The following ARHGEF18 variants were observed in gnomAD, a reference collection of about 807,000 sequenced individuals.
The protein encoded by ARHGEF18 is rho guanine nucleotide exchange factor 18.
Under a neutral mutation model 155.7 loss-of-function variants are expected in ARHGEF18, and 93 were observed. The observed-to-expected ratio is 0.60, with a 90% CI of 0.50 to 0.71. The LOEUF is 0.71. Ranked by LOEUF, ARHGEF18 falls within the 30% of genes least tolerant of loss-of-function variation. The pLI is 0.00. For synonymous variants in ARHGEF18, 742 were observed against 753.1 expected, an observed-to-expected ratio of 0.99 and a Z score of 0.24; for missense variants, 1,593 against 1,816.1, an observed-to-expected ratio of 0.88 and a Z score of 2.23.
chr19:7,455,484 C>T (rs948809980), intron 17 of ARHGEF18, among the ~76,000 whole-genome samples: 10 of 152,104 alleles, frequency 6.6e-5, no homozygotes, highest in African/African-American at 1.2e-4. Context: ...CCTTACAGCA[C>T]GAGAGGTTCA....
rs962071045 is a variant in ARHGEF18, at chr19:7,379,182, G to T, written c.644+16G>T. 5 of 1,232,360 alleles carry T rather than the reference G, an allele frequency of 4.1e-6. No individual in the cohort carries two copies. In the African/African-American group the frequency reaches 7.8e-5, roughly 19 times the overall value. The allele number at this position is 1,232,360 out of a possible 1,614,324, so 76.3% of individuals were successfully genotyped here. A position where few individuals can be genotyped will look rare whatever the true frequency, so the allele number is the denominator to read the frequency against. On this transcript the variant is annotated intron_variant, in intron 7 of 28. Transcript: ENST00000668164. The stretch of plus-strand genomic sequence containing the variant: ...AGTACCATGGGTAAGTGGGAATCGG[G>T]ACAGGCTTGAGGGGAGCAAAGTGGG...
chr19:7,421,595 C>A (rs912744766), intron 10 of ARHGEF18, among the ~76,000 whole-genome samples: 3 of 152,076 alleles, frequency 2.0e-5, no homozygotes, highest in Non-Finnish European at 4.4e-5. Flanking sequence ...AAACCCGTCT[C>A]TACTAAAAAT....
At chr19:7,478,523 C>T in the ARHGEF18 span, 1 of 817,566 alleles carries the variant, frequency 1.2e-6, no homozygotes, top group Non-Finnish European at 2.0e-6. Flanking sequence ...GTCCCACACC[C>T]TCCTGGCTGT....
rs533711606 is a variant in ARHGEF18, at chr19:7,463,727, G to A, written c.2636-91G>A. On this transcript the variant is annotated intron_variant, in intron 21 of 28. Coordinates refer to ENST00000668164, the MANE Select transcript of ARHGEF18 (RefSeq NM_001367823.1). This position sits in a 1 kb window ranked among gnomAD's most constrained non-coding sequence, Gnocchi z 5.2. Reference sequence around the variant, plus strand: ...GATCACCACCCCAGTGAGTCCCTCCGTCCACCCGGGTCTCGCTGCCCCAGC... The same window carrying A: ...GATCACCACCCCAGTGAGTCCCTCCATCCACCCGGGTCTCGCTGCCCCAGC... 62 of 1,429,558 alleles carry A rather than the reference G, an allele frequency of 4.3e-5. No homozygotes were observed. Among genetic ancestry groups the A allele is most frequent in the Middle Eastern group, 2.6e-4 (1 of 3,860 alleles). The allele number at this position is 1,429,558 out of a possible 1,614,324, so 88.6% of individuals were successfully genotyped here.
intron 16 of ARHGEF18, 103 bp from the exon 17 acceptor site, chr19:7,453,364 G>C: frequency 2.2e-6 from 3 of 1,371,888 alleles, no homozygotes; most frequent in Non-Finnish European, 2.9e-6. Context: ...TACATAGTGT[G>C]TCCACACACC....
rs1018148919 is a variant in ARHGEF18, at chr19:7,462,766, C to T, written c.2635+432C>T. Among the ~76,000 whole-genome samples the T allele has an allele frequency of 3.9e-5, 6 of 152,184 alleles. No homozygotes were observed. The East Asian group carries it at 9.7e-4, about 25-fold the overall frequency. On this transcript the variant is annotated intron_variant, in intron 21 of 28. Transcript: ENST00000668164. This position sits in a 1 kb window ranked among gnomAD's most constrained non-coding sequence, Gnocchi z 4.4. The stretch of plus-strand genomic sequence containing the variant: ...GTCCCCACGCACAGCTCTAACACAG[C>T]CGCCAGGCCCCTGGGCTGGCCGCTT...
intron 2 of ARHGEF18, among the ~76,000 whole-genome samples, 189 bp downstream of exon 2, chr19:7,363,094 A>G (rs946882216): frequency 6.6e-6 from 1 of 152,164 alleles, no homozygotes; most frequent in Non-Finnish European, 1.5e-5. Context: ...TGAAATAAGA[A>G]GAGGGAGGAA....
At chr19:7,419,672 G>A (rs890130995) in intron 10 of ARHGEF18, among the ~76,000 whole-genome samples, 1 of 152,052 alleles carries the variant, frequency 6.6e-6, no homozygotes, top group Non-Finnish European at 1.5e-5. Context: ...CCTCACGGAG[G>A]ATTCTCCCAC....
chr19:7,467,088 G>A lies in ARHGEF18; in HGVS notation c.2979G>A (p.Gln993=). Residue 993 remains glutamine, a synonymous_variant, in exon 25 of 29, where the codon CAG becomes CAA. Coordinates refer to ENST00000668164, the MANE Select transcript of ARHGEF18 (RefSeq NM_001367823.1). ...CTCCGCAGCTTGTCCAGCGGATCCA[G>A]ACACTGTCCCAGCTGCTCCTGAACC... ...VLESELVQRI[Q]TLSQLLLNLQ... is the part of the protein sequence containing the mutation. 1 of 1,608,636 alleles carries A rather than the reference G, an allele frequency of 6.2e-7. No homozygotes were observed. The highest frequency in any genetic ancestry group is 8.5e-7 in the Non-Finnish European group (1 of 1,176,314).
chr19:7,474,169 T>G (rs979754133), downstream of ARHGEF18, among the ~76,000 whole-genome samples: 2 of 151,622 alleles, frequency 1.3e-5, no homozygotes, highest in African/African-American at 4.8e-5. Context: ...TGAAACCCCA[T>G]CTCTACTAAA....
chr19:7,364,401 G>GC (rs1224333121), intron 2 of ARHGEF18, among the ~76,000 whole-genome samples: 11 of 150,144 alleles, frequency 7.3e-5, no homozygotes, highest in African/African-American at 2.5e-4. Context: ...AGGAAGGAAG[G>GC]AAGGCAGGCT....
chr19:7,436,541 G>A (rs1174263127), intron 10 of ARHGEF18, among the ~76,000 whole-genome samples: 1 of 152,254 alleles, frequency 6.6e-6, no homozygotes, highest in Middle Eastern at 3.4e-3. Flanking sequence ...GCCTCCCAAA[G>A]TGCTGGGATT....
intron 10 of ARHGEF18, among the ~76,000 whole-genome samples, chr19:7,397,050 G>A (rs1302267968): frequency 7.1e-6 from 1 of 140,208 alleles, no homozygotes; most frequent in East Asian, 2.1e-4. Context: ...CAGGGTTTAC[G>A]CTTTATCAGT....
chr19:7,377,232 G>A (rs925554969), intron 5 of ARHGEF18, among the ~76,000 whole-genome samples: 15 of 151,980 alleles, frequency 9.9e-5, no homozygotes, highest in African/African-American at 3.4e-4. Context: ...TACCATGCCC[G>A]GCTAATTTTT....
intron 1 of ARHGEF18, among the ~76,000 whole-genome samples, chr19:7,353,868 G>A (rs575887799): frequency 9.3e-5 from 14 of 150,682 alleles, no homozygotes; most frequent in African/African-American, 2.2e-4. Flanking sequence ...CAGGAGAATC[G>A]CTTGAATCTA....
intron 10 of ARHGEF18, among the ~76,000 whole-genome samples, chr19:7,406,245 T>G (rs1215270030): frequency 2.0e-5 from 3 of 152,084 alleles, no homozygotes; most frequent in Non-Finnish European, 4.4e-5. Flanking sequence ...CCACCACGCT[T>G]GGCTAATTTT....
At chr19:7,419,739 T>C (rs9329382) in intron 10 of ARHGEF18, among the ~76,000 whole-genome samples, 24,960 of 151,974 alleles carry the variant, frequency 0.16, 4,391 homozygotes, top group African/African-American at 0.44. Context: ...TGCAGTCACT[T>C]GGGAAGGTGT....
At position 7,467,041 on chromosome 19, in the gene ARHGEF18, C is replaced by T. The variant is rs377253179; in HGVS notation, c.2962-30C>T. On this transcript the variant is annotated intron_variant, in intron 24 of 28. Coordinates refer to ENST00000668164, the MANE Select transcript of ARHGEF18 (RefSeq NM_001367823.1). ...CGCGCGTGTGGCCTCAGCCCGATAA[C>T]TAGCATCAATCTCCCTCTCCTCTCC... The T allele has an allele frequency of 4.2e-5, 67 of 1,610,854 alleles. No homozygotes were observed. The Middle Eastern group carries it at 1.3e-3, about 32-fold the overall frequency.
chr19:7,407,064 C>CA (rs3997572), intron 10 of ARHGEF18, among the ~76,000 whole-genome samples: 1,672 of 55,412 alleles, frequency 0.03, 84 homozygotes, highest in East Asian at 0.24. Flanking sequence ...GACTCCGTCT[C>CA]AAAAAAAAAA....
Sources: gnomAD v4.1 joint callset for allele counts (sites outside exome capture counted in the v4.1 genomes callset) on GRCh38, gnomAD v4.1.1 for gene constraint, Gnocchi (gnomAD v3.1) non-coding constraint, MANE v1.5 for transcripts, NCBI Gene and HGNC (gene_info 2026-07-23, HGNC 2026-07-21) for gene names.